Variants in TMC2 observed in about 807,000 individuals in gnomAD.
The protein encoded by TMC2 is transmembrane channel-like protein 2.
Under a neutral mutation model 105.9 loss-of-function variants are expected in TMC2, and 102 were observed. That is an observed-to-expected ratio of 0.96 (90% confidence interval 0.82 to 1.14). The LOEUF is 1.14. TMC2 is among the 50% of genes most tolerant of loss of function. TMC2 has a pLI of 0.00. For missense variants in TMC2, 1,093 were observed against 1,134.3 expected, an observed-to-expected ratio of 0.96 and a Z score of 0.52; for synonymous variants, 402 against 422.8, an observed-to-expected ratio of 0.95 and a Z score of 0.60.
In TMC2 at chr20:2,558,180, G is replaced by A. The variant is rs1262274373; in HGVS notation, c.83-276G>A. 3 of 576,020 alleles carry A rather than the reference G, an allele frequency of 5.2e-6. No homozygotes were observed. Among genetic ancestry groups the A allele is most frequent in the Non-Finnish European group, 8.4e-6 (3 of 357,298 alleles). The allele number at this position is 576,020 out of a possible 1,614,324, so 35.7% of individuals were successfully genotyped here. ...TCTCTGTGTGACTTTCCTTTCCTTG[G>A]GTATAGGGCAGGACACCTGTCACAG... On this transcript the variant is annotated intron_variant, in intron 2 of 19. Transcript: ENST00000358864. This position sits in a 1 kb window ranked among gnomAD's most constrained non-coding sequence, Gnocchi z 4.6.
intron 16 of TMC2, among the ~76,000 whole-genome samples, chr20:2,621,203 A>G (rs1402014958): frequency 6.6e-6 from 1 of 152,040 alleles, no homozygotes; most frequent in Non-Finnish European, 1.5e-5. Context: ...TCTACTAAAG[A>G]TACAAAAAAT....
Position 2,567,316 on chromosome 20 carries a change from T to G in TMC2, c.555-4863T>G, listed in dbSNP as rs181712317. Among the ~76,000 whole-genome samples, 3 of 152,122 alleles carry G rather than the reference T, an allele frequency of 2.0e-5. No individual in the cohort carries two copies. In the East Asian group the frequency reaches 5.8e-4, roughly 29 times the overall value. On this transcript the variant is annotated intron_variant, in intron 4 of 19. Coordinates refer to ENST00000358864, the MANE Select transcript of TMC2 (RefSeq NM_080751.3). Reference sequence around the variant, plus strand: ...AAGAACCTGGACTTTCACCCCCACCTGGAAGTAATCAGGCAACATTACCTA... The same window carrying G: ...AAGAACCTGGACTTTCACCCCCACCGGGAAGTAATCAGGCAACATTACCTA...
intron 17 of TMC2, among the ~76,000 whole-genome samples, chr20:2,629,885 A>G (rs2086591185): frequency 6.6e-6 from 1 of 152,178 alleles, no homozygotes; most frequent in South Asian, 2.1e-4. Flanking sequence ...TCATTCATTT[A>G]TTTATTATCT....
chr20:2,564,959 A>G (rs1233860856), intron 4 of TMC2, among the ~76,000 whole-genome samples: 1 of 152,186 alleles, frequency 6.6e-6, no homozygotes, highest in Non-Finnish European at 1.5e-5. Context: ...CTCTGCCTAG[A>G]AGATCTGTGC....
At chr20:2,545,034 C>CA (rs34794391) in intron 2 of TMC2, among the ~76,000 whole-genome samples, 1,678 of 98,352 alleles carry the variant, frequency 0.017, 18 homozygotes, top group Middle Eastern at 0.029. Flanking sequence ...CTGTCTCTAC[C>CA]AAAAAAAAAA....
chr20:2,559,708 T>A (rs1361346881), intron 3 of TMC2, among the ~76,000 whole-genome samples: 1 of 152,152 alleles, frequency 6.6e-6, no homozygotes, highest in African/African-American at 2.4e-5. Flanking sequence ...AGGGCACTGA[T>A]TTTTTTCCTG....
intron 16 of TMC2, among the ~76,000 whole-genome samples, chr20:2,619,575 A>G (rs188422118): frequency 1.4e-4 from 22 of 152,320 alleles, no homozygotes; most frequent in Non-Finnish European, 2.5e-4. Context: ...TTTACTAGAT[A>G]AAGGCCTGTG....
chr20:2,627,564 C>T (rs1402872549), intron 17 of TMC2, among the ~76,000 whole-genome samples: 1 of 152,186 alleles, frequency 6.6e-6, no homozygotes, highest in African/African-American at 2.4e-5. Flanking sequence ...GACTCTGCTT[C>T]TGGGTCACAA....
chr20:2,637,332 G>C, intron 18 of TMC2, 142 bp from the exon 19 acceptor site: 1 of 559,660 alleles, frequency 1.8e-6, no homozygotes, highest in South Asian at 2.1e-5. Flanking sequence ...AGATTGCAGT[G>C]AGCCGAGTTC....
chr20:2,589,829 C>T (rs1202517689), intron 7 of TMC2, among the ~76,000 whole-genome samples: 3 of 152,080 alleles, frequency 2.0e-5, no homozygotes, highest in Middle Eastern at 3.2e-3. Flanking sequence ...GCCACCATGC[C>T]CGGCTAATTT....
intron 17 of TMC2, 29 bp downstream of exon 17, chr20:2,624,425 C>G: frequency 6.3e-7 from 1 of 1,595,746 alleles, no homozygotes; most frequent in Non-Finnish European, 8.5e-7. Flanking sequence ...ATGGCTCCAC[C>G]CCACGGAAAC....
At chr20:2,589,610 G>T in intron 7 of TMC2, among the ~76,000 whole-genome samples, 1 of 152,112 alleles carries the variant, frequency 6.6e-6, no homozygotes, top group East Asian at 1.9e-4. Context: ...TTGTCTAGTT[G>T]TTCTCAGTGA....
chr20:2,624,801 C>A (rs1600138483), intron 17 of TMC2, among the ~76,000 whole-genome samples: 1 of 152,178 alleles, frequency 6.6e-6, no homozygotes, highest in East Asian at 1.9e-4. Flanking sequence ...TTGGAGCACA[C>A]TGAAAATTTG....
intron 11 of TMC2, among the ~76,000 whole-genome samples, chr20:2,603,511 T>A (rs1445412152): frequency 6.6e-6 from 1 of 152,224 alleles, no homozygotes; most frequent in Non-Finnish European, 1.5e-5. Flanking sequence ...GTTAAAGCTA[T>A]GTGCTATTTA....
At chr20:2,546,001 C>G (rs968704066) in intron 2 of TMC2, among the ~76,000 whole-genome samples, 1 of 152,186 alleles carries the variant, frequency 6.6e-6, no homozygotes, top group Non-Finnish European at 1.5e-5. Context: ...AGCAGATAGT[C>G]TCCAAAAATA....
intron 7 of TMC2, among the ~76,000 whole-genome samples, chr20:2,590,279 T>C (rs2086260053): frequency 6.6e-6 from 1 of 152,136 alleles, no homozygotes; most frequent in Non-Finnish European, 1.5e-5. Context: ...TACTATATCT[T>C]GGTTGCATCT....
chr20:2,614,050 A>AT (rs11087518), intron 14 of TMC2: 123,400 of 151,824 alleles, frequency 0.81, 50,785 homozygotes, highest in African/African-American at 0.95. Context: ...TTTCTGTCAC[A>AT]TTTTTTTTCG....
chr20:2,624,366 G>A lies in TMC2; in HGVS notation c.2276G>A (p.Gly759Asp), dbSNP rs748182036. ...ATCTTTGCTTTCCTCGCCAATCCAG[G>A]CCTGATCATCCCAGCCATCCTGCTG... ...GKIFAFLANP[G>D]LIIPAILLMF... The change falls in exon 17 of 20, where the codon GGC becomes GAC. Residue 759 changes from glycine (G) to aspartate (D), a missense_variant. Coordinates refer to ENST00000358864, the MANE Select transcript of TMC2 (RefSeq NM_080751.3). 1.3e-5 allele frequency: 21 copies of A among 1,613,896 alleles called. No individual in the cohort carries two copies. Among genetic ancestry groups the A allele is most frequent in the African/African-American group, 5.3e-5 (4 of 74,900 alleles).
At chr20:2,635,618 T>C (rs773587241) in intron 17 of TMC2, among the ~76,000 whole-genome samples, 2 of 152,208 alleles carry the variant, frequency 1.3e-5, no homozygotes, top group Non-Finnish European at 2.9e-5. Flanking sequence ...CAGCTTCTTC[T>C]GCAGTCAGTA....
Sources: gnomAD v4.1 joint callset for allele counts (sites outside exome capture counted in the v4.1 genomes callset) on GRCh38, gnomAD v4.1.1 for gene constraint, Gnocchi (gnomAD v3.1) non-coding constraint, MANE v1.5 for transcripts, NCBI Gene and HGNC (gene_info 2026-07-23, HGNC 2026-07-21) for gene names.